SPAG9: variants seen among roughly 807,000 people sequenced by gnomAD.
SPAG9 encodes the protein C-Jun-amino-terminal kinase-interacting protein 4.
Under a neutral mutation model 166.5 loss-of-function variants are expected in SPAG9, and 35 were observed. The observed-to-expected ratio is 0.21, with a 90% CI of 0.16 to 0.28. The LOEUF (loss-of-function observed/expected upper bound fraction) is 0.28. SPAG9 is among the 10% of genes least tolerant of loss of function. The pLI is 1.00. For synonymous variants in SPAG9, 534 were observed against 565.5 expected (o/e 0.94, Z 0.79); for missense variants, 1,235 against 1,603.3 (o/e 0.77, Z 3.92).
At chr17:50,991,236 A>G (rs1439509773) in intron 19 of SPAG9, among the ~76,000 whole-genome samples, 1 of 152,138 alleles carries the variant, frequency 6.6e-6, no homozygotes, top group East Asian at 1.9e-4. Context: ...CAGCAGCCAC[A>G]GGTTAAAAAC....
At chr17:51,046,822 C>G (rs1465462214) in intron 4 of SPAG9, 1 of 1,532,806 alleles carries the variant, frequency 6.5e-7, no homozygotes, top group East Asian at 2.5e-5. Flanking sequence ...CAAGCGATGA[C>G]GTCATTCCGT....
intron 16 of SPAG9, 198 bp downstream of exon 16, chr17:50,996,367 A>G (rs1283863151): frequency 8.4e-6 from 5 of 595,228 alleles, no homozygotes; most frequent in African/African-American, 1.9e-5. Flanking sequence ...CCCCTCACAG[A>G]CTCAGAGCAT....
intron 28 of SPAG9, among the ~76,000 whole-genome samples, chr17:50,971,061 T>A (rs1030473799): frequency 2.0e-5 from 3 of 152,148 alleles, no homozygotes; most frequent in African/African-American, 7.2e-5. Context: ...GCATGGTGGC[T>A]CACACCTTCG....
chr17:51,074,847 T>C (rs1235934477), intron 2 of SPAG9, among the ~76,000 whole-genome samples: 1 of 151,380 alleles, frequency 6.6e-6, no homozygotes, highest in African/African-American at 2.4e-5. Context: ...TCTGGGACAA[T>C]GAAAAAAAAA....
At chr17:51,114,339 T>C (rs925192444) in intron 1 of SPAG9, among the ~76,000 whole-genome samples, 1 of 149,110 alleles carries the variant, frequency 6.7e-6, no homozygotes, top group Non-Finnish European at 1.5e-5. Flanking sequence ...AAATAAATTT[T>C]TTAAAAAATG....
At chr17:51,115,423 T>C (rs920361724) in intron 1 of SPAG9, among the ~76,000 whole-genome samples, 1 of 151,560 alleles carries the variant, frequency 6.6e-6, no homozygotes, top group African/African-American at 2.4e-5. Context: ...ATCCTTTTTT[T>C]TTTTTTTTTA....
intron 1 of SPAG9, among the ~76,000 whole-genome samples, chr17:51,108,908 G>A (rs2144769414): frequency 6.6e-6 from 1 of 151,246 alleles, no homozygotes; most frequent in East Asian, 2.0e-4. Context: ...TCAGCTCACT[G>A]CAACCTCCAC....
At chr17:50,969,633 T>A (rs1179448524) in intron 29 of SPAG9, among the ~76,000 whole-genome samples, 1 of 152,184 alleles carries the variant, frequency 6.6e-6, no homozygotes, top group African/African-American at 2.4e-5. Context: ...AACAAATTCA[T>A]ACTTTCTTCT....
At chr17:50,981,891 G>C (rs1974680719) in intron 25 of SPAG9, among the ~76,000 whole-genome samples, 1 of 151,962 alleles carries the variant, frequency 6.6e-6, no homozygotes, top group Non-Finnish European at 1.5e-5. Context: ...AAATTAGCTG[G>C]CTGTGGTGGC....
rs1461393938 is a variant in SPAG9 at position 50,993,888 on chromosome 17, A to G, written c.2274T>C (p.Val758=). Residue 758 remains valine (V), a synonymous_variant, in exon 19 of 30, where the codon GTT becomes GTC. Transcript: ENST00000262013. ...CCGAATGAGTGCTGGTACAGATCCA[A>G]ACTAGACTGGATAATTCTTCTTGAT... is the stretch of plus-strand genomic sequence containing the variant. ...LKNQEELSSL[V]WICTSTHSAT... The G allele has an allele frequency of 1.2e-6, 2 of 1,614,054 alleles. No homozygotes were observed. Among genetic ancestry groups the G allele is most frequent in the Non-Finnish European group, 1.7e-6 (2 of 1,180,026 alleles).
intron 2 of SPAG9, among the ~76,000 whole-genome samples, chr17:51,060,027 C>A (rs984207691): frequency 1.1e-4 from 16 of 152,106 alleles, no homozygotes; most frequent in Non-Finnish European, 2.1e-4. Context: ...AAAATTCTTA[C>A]AATGGTCTGT....
intron 21 of SPAG9, 144 bp downstream of exon 21, chr17:50,989,533 A>G (rs1975361434): frequency 1.3e-6 from 1 of 747,774 alleles, no homozygotes; most frequent in African/African-American, 1.7e-5. Flanking sequence ...GCGGGAATAC[A>G]TGAAATTATC....
intron 29 of SPAG9, among the ~76,000 whole-genome samples, chr17:50,970,376 T>G (rs1365522281): frequency 2.0e-5 from 3 of 151,550 alleles, no homozygotes; most frequent in African/African-American, 7.3e-5. Context: ...TAGCCAGATG[T>G]GGTGGTGCAT....
chr17:51,072,683 C>T (rs1189248652), intron 2 of SPAG9, among the ~76,000 whole-genome samples: 2 of 151,818 alleles, frequency 1.3e-5, no homozygotes, highest in Admixed American at 1.3e-4. Context: ...GACTCTGTCT[C>T]AAAAAATAAA....
intron 1 of SPAG9, among the ~76,000 whole-genome samples, chr17:51,095,670 G>GTA (rs138822075): frequency 1.6e-3 from 236 of 144,876 alleles, no homozygotes; most frequent in East Asian, 5.0e-3. Context: ...AAAAAAATGT[G>GTA]TATATATATA....
intron 26 of SPAG9, among the ~76,000 whole-genome samples, chr17:50,977,887 A>G (rs770388082): frequency 1.3e-5 from 2 of 152,164 alleles, no homozygotes; most frequent in Non-Finnish European, 2.9e-5. Flanking sequence ...TTGTCTCTAA[A>G]AACAAACAAA....
intron 5 of SPAG9, among the ~76,000 whole-genome samples, chr17:51,041,070 C>T (rs1363910290): frequency 2.0e-5 from 3 of 152,060 alleles, no homozygotes; most frequent in Non-Finnish European, 4.4e-5. Context: ...CTCTATGAAG[C>T]GGTTTTAAAG....
intron 1 of SPAG9, among the ~76,000 whole-genome samples, chr17:51,087,152 G>A (rs2048327105): frequency 6.6e-6 from 1 of 152,136 alleles, no homozygotes; most frequent in African/African-American, 2.4e-5. Flanking sequence ...CCATCAAATA[G>A]TCTAGTTTTG....
At chr17:50,977,087 G>T in intron 27 of SPAG9, 21 bp downstream of exon 27, 1 of 1,403,478 alleles carries the variant, frequency 7.1e-7, no homozygotes, top group Non-Finnish European at 1.0e-6. Flanking sequence ...TTCCATGGCA[G>T]TTATCTAAAA....
Sources: allele counts gnomAD v4.1 joint callset (sites outside exome capture counted in the v4.1 genomes callset), GRCh38; gene constraint gnomAD v4.1.1; transcripts MANE v1.5; gene names NCBI Gene and HGNC (gene_info 2026-07-23, HGNC 2026-07-21).